Variants in ACSM2B observed in about 807,000 individuals in gnomAD.
ACSM2B encodes the protein acyl-coenzyme A synthetase ACSM2B, mitochondrial.
In ACSM2B, 58 loss-of-function variants were observed where a neutral mutation model predicts 78.6. The ratio of observed to expected loss-of-function variants is 0.74; its 90% CI spans 0.60 to 0.92. ACSM2B has a LOEUF of 0.92. Ranked by LOEUF, ACSM2B falls within the 40% of genes least tolerant of loss-of-function variation. ACSM2B has a pLI of 0.00. For missense variants in ACSM2B, 688 were observed against 711.2 expected (o/e 0.97, Z 0.37); for synonymous variants, 257 against 256.8 (o/e 1.00, Z -0.01).
At chr16:20,574,997 C>T (rs1377390651) in intron 1 of ACSM2B, among the ~76,000 whole-genome samples, 1 of 148,814 alleles carries the variant, frequency 6.7e-6, no homozygotes, top group Non-Finnish European at 1.5e-5. Context: ...CACTAAACTC[C>T]TTGCCTCTCA....
At chr16:20,561,739 G>A (rs995407468) in intron 2 of ACSM2B, among the ~76,000 whole-genome samples, 4 of 151,042 alleles carry the variant, frequency 2.6e-5, no homozygotes, top group African/African-American at 9.7e-5. Flanking sequence ...TATACTTTAA[G>A]TTTCAGGGTA....
rs1195677108 is a variant in ACSM2B at position 20,567,171 on chromosome 16, TATA to T, written c.-8-2321_-8-2319del. Among the ~76,000 whole-genome samples, 21 of 133,944 alleles carry T rather than the reference TATA, an allele frequency of 1.6e-4. No individual in the cohort carries two copies. The South Asian group carries it at 4.5e-3, about 29-fold the overall frequency. 87.9% of individuals were successfully genotyped at this position (133,944 alleles called of 152,430 possible). A position where few individuals can be genotyped will look rare whatever the true frequency, so the allele number is the denominator to read the frequency against. On this transcript the variant is annotated intron_variant, in intron 1 of 13. Coordinates refer to ENST00000329697, the MANE Select transcript of ACSM2B (RefSeq NM_001105069.2). The stretch of plus-strand genomic sequence containing the variant: ...TAGTATAATAAGATTATATATTATA[TATA>T]ATACTATTATAACATATTATACTAT...
At chr16:20,565,974 A>C (rs1268466564) in intron 1 of ACSM2B, among the ~76,000 whole-genome samples, 1 of 151,500 alleles carries the variant, frequency 6.6e-6, no homozygotes, top group Non-Finnish European at 1.5e-5. Flanking sequence ...AATCCCATCC[A>C]GGTTGCTGCG....
chr16:20,568,008 T>C (rs2015981118), intron 1 of ACSM2B, among the ~76,000 whole-genome samples: 1 of 143,880 alleles, frequency 7.0e-6, no homozygotes, highest in Non-Finnish European at 1.5e-5. Flanking sequence ...TATATTTATA[T>C]TTTACATAAT....
chr16:20,543,214 G>A lies in ACSM2B; in HGVS notation c.1330C>T (p.Leu444Phe), dbSNP rs752945123. Residue 444 changes from leucine to phenylalanine, a missense_variant, in exon 11 of 14, where the codon CTT (leucine) becomes TTT (phenylalanine). Physicochemically the swap from Leu to Phe is conservative, Grantham distance 22 (BLOSUM62 0). Coordinates refer to ENST00000329697, the MANE Select transcript of ACSM2B (RefSeq NM_001105069.2). ...AANIRGDFWL[L>F]GDRGIKDEDG... ...TCATCTTTGATTCCCCGGTCTCCAAGGAGCCAAAAGTCTCCTCGAATGTTG... is the reference window on the plus strand; with the variant it reads ...TCATCTTTGATTCCCCGGTCTCCAAAGAGCCAAAAGTCTCCTCGAATGTTG... 1.9e-6 allele frequency: 3 copies of A among 1,613,824 alleles called. No individual in the cohort carries two copies. The highest frequency in any genetic ancestry group is 8.5e-7 in the Non-Finnish European group (1 of 1,179,876).
chr16:20,543,485 C>T (rs993111307), intron 10 of ACSM2B, among the ~76,000 whole-genome samples: 1 of 152,222 alleles, frequency 6.6e-6, no homozygotes, highest in Non-Finnish European at 1.5e-5. Flanking sequence ...TCAGCTACTC[C>T]TCTAGGTCCA....
chr16:20,566,484 A>C (rs2015849631), intron 1 of ACSM2B, among the ~76,000 whole-genome samples: 1 of 120,978 alleles, frequency 8.3e-6, no homozygotes, highest in South Asian at 2.3e-4. Context: ...TATATATTAT[A>C]TAATAATACA....
chr16:20,546,286 A>G, intron 9 of ACSM2B, 108 bp downstream of exon 9: 1 of 1,458,154 alleles, frequency 6.9e-7, no homozygotes, highest in Non-Finnish European at 9.1e-7. Context: ...ATATTATCTT[A>G]ATATCAGTAC....
At position 20,563,743 on chromosome 16, in the gene ACSM2B, A is replaced by G. The variant is rs958941694; in HGVS notation, c.177+926T>C. 3.3e-5 allele frequency among the ~76,000 whole-genome samples: 5 copies of G among 151,950 alleles called. 1 individual carries two copies. Among genetic ancestry groups the G allele is most frequent in the East Asian group, 3.9e-4 (2 of 5,190 alleles). Reference sequence around the variant, plus strand: ...CCACACTAAGACTGTTTCATAGTGTAGGGAACTTAGGACATCATGTCATAA... The same window carrying G: ...CCACACTAAGACTGTTTCATAGTGTGGGGAACTTAGGACATCATGTCATAA... On this transcript the variant is annotated intron_variant, in intron 2 of 13. Transcript: ENST00000329697.
rs1343035350 is a variant in ACSM2B, at chr16:20,548,152, A to G, written c.1008T>C (p.Ala336=). 4 of 1,613,956 alleles carry G rather than the reference A, an allele frequency of 2.5e-6. No homozygotes were observed. Among genetic ancestry groups the G allele is most frequent in the African/African-American group, 1.3e-5 (1 of 74,912 alleles). The change falls in exon 8 of 14, where the codon GCT becomes GCC. Residue 336 remains alanine, a synonymous_variant. Coordinates refer to ENST00000329697, the MANE Select transcript of ACSM2B (RefSeq NM_001105069.2). The part of the protein sequence containing the change: ...YKFPHLQNCL[A]GGESLLPETL... ...TTTCTGGAAGAAGGGACTCCCCTCCAGCGAGGCAGTTCTGTAGATGGGGGA... is the reference window on the plus strand; with the variant it reads ...TTTCTGGAAGAAGGGACTCCCCTCCGGCGAGGCAGTTCTGTAGATGGGGGA...
chr16:20,541,661 CT>C (rs1379152361), intron 12 of ACSM2B: 1 of 145,718 alleles, frequency 6.9e-6, no homozygotes, highest in Non-Finnish European at 1.5e-5. Context: ...TTCTTTTTTC[CT>C]TTCTTTTTCT....
At chr16:20,575,200 T>G (rs201733036) in intron 1 of ACSM2B, among the ~76,000 whole-genome samples, 21,009 of 148,882 alleles carry the variant, frequency 0.14, 1,473 homozygotes, top group African/African-American at 0.42. Flanking sequence ...ATTCTTTTCC[T>G]CTAGAACCAC....
chr16:20,551,737 A>G (rs929842590), intron 6 of ACSM2B, among the ~76,000 whole-genome samples: 1 of 152,248 alleles, frequency 6.6e-6, no homozygotes, highest in Admixed American at 6.5e-5. Context: ...TTATGCTGCA[A>G]ATAAAAAAGG....
intron 2 of ACSM2B, among the ~76,000 whole-genome samples, chr16:20,564,366 A>C (rs2015755370): frequency 6.6e-6 from 1 of 152,022 alleles, no homozygotes; most frequent in Non-Finnish European, 1.5e-5. Flanking sequence ...CCAGACCAAA[A>C]GTCCTCATTT....
intron 1 of ACSM2B, among the ~76,000 whole-genome samples, chr16:20,567,493 A>AATATATAAAAT (rs200398015): frequency 0.41 from 48,207 of 117,804 alleles, 12,904 homozygotes; most frequent in East Asian, 0.86. Flanking sequence ...ATATATAAAT[A>AATATATAAAAT]ATATATAAAA....
intron 1 of ACSM2B, among the ~76,000 whole-genome samples, chr16:20,566,668 AG>A (rs371616178): frequency 0.016 from 662 of 40,336 alleles, 10 homozygotes; most frequent in East Asian, 0.075. Context: ...ATGTATATAT[AG>A]TATATACATA....
At chr16:20,567,902 T>C (rs1283745503) in intron 1 of ACSM2B, among the ~76,000 whole-genome samples, 2 of 143,216 alleles carry the variant, frequency 1.4e-5, no homozygotes, top group South Asian at 2.1e-4. Context: ...TGTGGCTATA[T>C]ATAGTATATA....
At chr16:20,565,953 C>A (rs955122584) in intron 1 of ACSM2B, among the ~76,000 whole-genome samples, 1 of 151,304 alleles carries the variant, frequency 6.6e-6, no homozygotes, top group Non-Finnish European at 1.5e-5. Flanking sequence ...TCACTTTGAG[C>A]GATGGTCTCC....
chr16:20,545,579 G>T (rs1452714962), intron 9 of ACSM2B, among the ~76,000 whole-genome samples: 1 of 152,144 alleles, frequency 6.6e-6, no homozygotes, highest in Non-Finnish European at 1.5e-5. Flanking sequence ...AAATCGGGCA[G>T]ATCAAAACTC....
Sources: gnomAD v4.1 joint callset for allele counts (sites outside exome capture counted in the v4.1 genomes callset) on GRCh38, gnomAD v4.1.1 for gene constraint, MANE v1.5 for transcripts, NCBI Gene and HGNC (gene_info 2026-07-23, HGNC 2026-07-21) for gene names.